The following DNAJC10 variants were observed in gnomAD, a reference collection of about 807,000 sequenced individuals.
DNAJC10 encodes endoplasmic reticulum disulfide reductase DNAJC10.
A neutral mutation model predicts 115.0 loss-of-function variants in DNAJC10; 101 were observed. That is an observed-to-expected ratio of 0.88 (90% CI 0.75 to 1.04). The LOEUF (loss-of-function observed/expected upper bound fraction) is 1.04. DNAJC10 is among the 50% of genes least tolerant of loss of function. The pLI, the probability that DNAJC10 is intolerant of heterozygous loss-of-function variation, is 0.00. For missense variants in DNAJC10, 981 were observed against 928.8 expected, an observed-to-expected ratio of 1.06 and a Z score of -0.73; for synonymous variants, 307 against 301.5, an observed-to-expected ratio of 1.02 and a Z score of -0.19.
In DNAJC10 at chr2:182,775,398, G is replaced by T. The variant is rs375455316; in HGVS notation, c.2348G>T (p.Arg783Leu). The T allele has an allele frequency of 4.3e-6, 7 of 1,612,298 alleles. No homozygotes were observed. The African/African-American group carries it at 8.0e-5, about 18-fold the overall frequency. Reference sequence around the variant, plus strand: ...ATAAGTGAAAAATTGGAAACTCTCCGAAATCAAGGCAAGAGGAATAAGGTA... The same window carrying T: ...ATAAGTGAAAAATTGGAAACTCTCCTAAATCAAGGCAAGAGGAATAAGGTA... ...ALISEKLETL[R>L]NQGKRNKDEL Residue 783 changes from arginine (R) to leucine (L), a missense_variant, in exon 23 of 24, where the codon CGA (arginine) becomes CTA (leucine). Arg to Leu is a moderately radical substitution (Grantham distance 102). Transcript: ENST00000264065.
chr2:182,767,846 T>C (rs1378881512), intron 22 of DNAJC10, among the ~76,000 whole-genome samples: 1 of 152,162 alleles, frequency 6.6e-6, no homozygotes, highest in Non-Finnish European at 1.5e-5. Flanking sequence ...GAGGCTGTTT[T>C]CAGCATTCCT....
At chr2:182,736,220 A>T in intron 10 of DNAJC10, 29 bp from the exon 11 acceptor site, 2 of 1,540,606 alleles carry the variant, frequency 1.3e-6, no homozygotes, top group Non-Finnish European at 1.7e-6. Flanking sequence ...CCCATTTACA[A>T]CATGGTTTGT....
intron 14 of DNAJC10, among the ~76,000 whole-genome samples, chr2:182,744,642 A>C (rs1693816958): frequency 1.3e-5 from 2 of 152,126 alleles, no homozygotes; most frequent in Admixed American, 1.3e-4. Context: ...GCTGTCTCCA[A>C]GTCAGACATT....
chr2:182,739,441 A>T, intron 11 of DNAJC10: 2 of 830,614 alleles, frequency 2.4e-6, no homozygotes, highest in Non-Finnish European at 1.5e-6. Context: ...TTAAACTGTT[A>T]AACATAGATG....
intron 22 of DNAJC10, among the ~76,000 whole-genome samples, chr2:182,775,110 G>A (rs914157970): frequency 6.9e-5 from 10 of 144,868 alleles, no homozygotes; most frequent in South Asian, 2.2e-4. Context: ...TCATGTTTCC[G>A]TGACACTATT....
chr2:182,768,848 T>A (rs550762602), intron 22 of DNAJC10, among the ~76,000 whole-genome samples: 1 of 152,346 alleles, frequency 6.6e-6, no homozygotes, highest in Admixed American at 6.5e-5. Context: ...AATTATACTC[T>A]AAGTTCTAGT....
Position 182,779,659 on chromosome 2 carries a change from T to G in DNAJC10, c.*2527T>G, listed in dbSNP as rs950282904. 2 of 152,204 alleles carry G rather than the reference T, an allele frequency of 1.3e-5. No individual in the cohort carries two copies. Among genetic ancestry groups the G allele is most frequent in the African/African-American group, 4.8e-5 (2 of 41,446 alleles). 9.4% of individuals were successfully genotyped at this position (152,204 alleles called of 1,614,324 possible). On this transcript the variant is annotated 3_prime_UTR_variant, in exon 24 of 24. Transcript: ENST00000264065. ...AATTTTATTTAGGTCTTTCATAGCT[T>G]TTTTATTTAAAGGTATATGATTAAG... is the stretch of plus-strand genomic sequence containing the variant.
chr2:182,727,259 G>T (rs1265289564), intron 5 of DNAJC10, among the ~76,000 whole-genome samples: 3 of 152,078 alleles, frequency 2.0e-5, no homozygotes, highest in Admixed American at 2.0e-4. Context: ...GAAAGGTTTT[G>T]TGTCAAATAC....
intron 14 of DNAJC10, among the ~76,000 whole-genome samples, chr2:182,746,700 A>T (rs1693876959): frequency 6.6e-6 from 1 of 152,086 alleles, no homozygotes; most frequent in Non-Finnish European, 1.5e-5. Context: ...CTCTGATGGT[A>T]CTTTCTTTTG....
At position 182,743,590 on chromosome 2, in the gene DNAJC10, T is replaced by C; in HGVS notation, c.1192-8T>C. The C allele has an allele frequency of 6.3e-7, 1 of 1,596,324 alleles. No individual in the cohort carries two copies. The highest frequency in any genetic ancestry group is 8.6e-7 in the Non-Finnish European group (1 of 1,165,696). ...GTTTTTATCAAATTTGACCTTTTTC[T>C]CCTTTAGGTTGGCAGGTTTGACTGT... On this transcript the variant is annotated splice_polypyrimidine_tract_variant and splice_region_variant and intron_variant, in intron 13 of 23. Transcript: ENST00000264065.
Position 182,743,721 on chromosome 2 carries a change from G to T in DNAJC10, c.1306+9G>T. 2 of 1,533,524 alleles carry T rather than the reference G, an allele frequency of 1.3e-6. No homozygotes were observed. The highest frequency in any genetic ancestry group is 1.8e-6 in the Non-Finnish European group (2 of 1,127,852). The allele number at this position is 1,533,524 out of a possible 1,614,324, so 95.0% of individuals were successfully genotyped here. ...ATATGAAATTCATCATGGTAAGAATGGAAAAAAATGATAAAAAAAAACTTA... is the reference window on the plus strand; with the variant it reads ...ATATGAAATTCATCATGGTAAGAATTGAAAAAAATGATAAAAAAAAACTTA... On this transcript the variant is annotated intron_variant, in intron 14 of 23. Coordinates refer to ENST00000264065, the MANE Select transcript of DNAJC10 (RefSeq NM_018981.4).
chr2:182,775,299 A>G lies in DNAJC10; in HGVS notation c.2266-17A>G, dbSNP rs1314655916. ...TTTATTAAATACTTAAAAGATAACA[A>G]GTGTTTTTAATTTTAGAGAAATTTT... On this transcript the variant is annotated splice_polypyrimidine_tract_variant and intron_variant, in intron 22 of 23. Coordinates refer to ENST00000264065, the MANE Select transcript of DNAJC10 (RefSeq NM_018981.4). 1 of 1,446,316 alleles carries G rather than the reference A, an allele frequency of 6.9e-7. No homozygotes were observed. Among genetic ancestry groups the G allele is most frequent in the East Asian group, 2.3e-5 (1 of 43,450 alleles). 89.6% of individuals were successfully genotyped at this position (1,446,316 alleles called of 1,614,324 possible).
chr2:182,763,525 G>A (rs1277172743), intron 22 of DNAJC10, among the ~76,000 whole-genome samples: 1 of 152,022 alleles, frequency 6.6e-6, no homozygotes, highest in Non-Finnish European at 1.5e-5. Context: ...AGGTCCAGTC[G>A]TGAGACACCT....
At chr2:182,775,813 G>A (rs1694691496) in intron 23 of DNAJC10, among the ~76,000 whole-genome samples, 1 of 152,154 alleles carries the variant, frequency 6.6e-6, no homozygotes, top group African/African-American at 2.4e-5. Flanking sequence ...GCTACAACAT[G>A]TTTGAACTCT....
Position 182,742,901 on chromosome 2 carries a change from C to T in DNAJC10, c.1192-697C>T, listed in dbSNP as rs558440063. On this transcript the variant is annotated intron_variant, in intron 13 of 23. Coordinates refer to ENST00000264065, the MANE Select transcript of DNAJC10 (RefSeq NM_018981.4). The stretch of plus-strand genomic sequence containing the variant: ...TCACTCTGTCAGCCAGGCTGGAGTG[C>T]AGTGGTGCGATCTCGGCTCACTGCA... Among the ~76,000 whole-genome samples, 3 of 151,538 alleles carry T rather than the reference C, an allele frequency of 2.0e-5. No individual in the cohort carries two copies. In the East Asian group the frequency reaches 5.8e-4, roughly 29 times the overall value.
rs955736016 is a variant in DNAJC10, at chr2:182,729,921, C to T, written c.707C>T (p.Thr236Ile). The change falls in exon 8 of 24, where the codon ACA becomes ATA. Residue 236 changes from threonine (T) to isoleucine (I), a missense_variant. Physicochemically the swap from Thr to Ile is moderately conservative, Grantham distance 89. Transcript: ENST00000264065. ...VSFAMQHVRS[T>I]VTELWTGNFV... ...TTTGCAATGCAGCATGTTAGAAGTACAGTGACAGAACTTTGGACAGGTAAT... is the reference window on the plus strand; with the variant it reads ...TTTGCAATGCAGCATGTTAGAAGTATAGTGACAGAACTTTGGACAGGTAAT... 6.2e-7 allele frequency: 1 copy of T among 1,605,764 alleles called. No individual in the cohort carries two copies. Among genetic ancestry groups the T allele is most frequent in the African/African-American group, 1.3e-5 (1 of 74,520 alleles).
chr2:182,775,394 C>G lies in DNAJC10; in HGVS notation c.2344C>G (p.Leu782Val), dbSNP rs199932502. The G allele has an allele frequency of 3.2e-4, 522 of 1,612,740 alleles. No individual in the cohort carries two copies. Among genetic ancestry groups the G allele is most frequent in the Non-Finnish European group, 4.1e-4 (482 of 1,179,194 alleles). The change falls in exon 23 of 24, where the codon CTC becomes GTC. Residue 782 changes from leucine (L) to valine (V), a missense_variant. Leu to Val is a conservative substitution (Grantham distance 32). Coordinates refer to ENST00000264065, the MANE Select transcript of DNAJC10 (RefSeq NM_018981.4). Reference sequence around the variant, plus strand: ...CTTAATAAGTGAAAAATTGGAAACTCTCCGAAATCAAGGCAAGAGGAATAA... The same window carrying G: ...CTTAATAAGTGAAAAATTGGAAACTGTCCGAAATCAAGGCAAGAGGAATAA... ...AALISEKLET[L>V]RNQGKRNKDE...
At chr2:182,730,999 C>T in intron 8 of DNAJC10, 31 bp from the exon 9 acceptor site, 1 of 1,505,686 alleles carries the variant, frequency 6.6e-7, no homozygotes, top group Non-Finnish European at 9.2e-7. Flanking sequence ...AATAGGTGAT[C>T]AGAATTTGCT....
intron 5 of DNAJC10, among the ~76,000 whole-genome samples, chr2:182,725,624 A>T (rs968164731): frequency 6.6e-6 from 1 of 152,154 alleles, no homozygotes; most frequent in Non-Finnish European, 1.5e-5. Context: ...TTTCAATTTT[A>T]TGGAGGCTTA....
Sources: gnomAD v4.1 joint callset for allele counts (sites outside exome capture counted in the v4.1 genomes callset) on GRCh38, gnomAD v4.1.1 for gene constraint, MANE v1.5 for transcripts, NCBI Gene and HGNC (gene_info 2026-07-23, HGNC 2026-07-21) for gene names.